The following LRRC23 variants were observed in gnomAD, a reference collection of about 807,000 sequenced individuals.
LRRC23 encodes leucine rich repeat containing 23, also known as leucine-rich repeat-containing protein 23.
LRRC23 carries 28 observed loss-of-function variants against 37.7 expected under a neutral mutation model. The ratio of observed to expected loss-of-function variants is 0.74; its 90% confidence interval spans 0.55 to 1.02. The LOEUF (loss-of-function observed/expected upper bound fraction) is 1.02. Among genes scored for constraint, LRRC23 ranks in the 50% least tolerant of loss-of-function variants. The pLI is 0.00. For synonymous variants in LRRC23, 161 were observed against 165.4 expected (o/e 0.97, Z 0.20); for missense variants, 377 against 413.2 (o/e 0.91, Z 0.76).
At chr12:6,906,255 C>T (rs1424883526) in intron 3 of LRRC23, among the ~76,000 whole-genome samples, 154 bp from the exon 4 acceptor site, 1 of 152,114 alleles carries the variant, frequency 6.6e-6, no homozygotes, top group African/African-American at 2.4e-5. Flanking sequence ...AACCCACCTA[C>T]CTTCTCTTAC....
intron 5 of LRRC23, among the ~76,000 whole-genome samples, chr12:6,909,362 TTA>T (rs1325873418): frequency 1.9e-5 from 1 of 52,412 alleles, no homozygotes; most frequent in Non-Finnish European, 3.0e-5. Flanking sequence ...TAATAGTATA[TTA>T]TATATAATAT....
intron 5 of LRRC23, among the ~76,000 whole-genome samples, chr12:6,908,395 GA>G (rs1372446807): frequency 6.6e-6 from 1 of 151,870 alleles, no homozygotes; most frequent in African/African-American, 2.4e-5. Context: ...TCCGGAGTTC[GA>G]AACCAGCCTG....
In LRRC23 at chr12:6,907,358, G is replaced by C; in HGVS notation, c.534G>C (p.Leu178Phe). 1 of 1,614,030 alleles carries C rather than the reference G, an allele frequency of 6.2e-7. No individual in the cohort carries two copies. Among genetic ancestry groups the C allele is most frequent in the Non-Finnish European group, 8.5e-7 (1 of 1,179,990 alleles). ...TGACAGGTCTGGACCCCGAGAAGTT[G>C]ATCAGCCTGCACACAGTGGAGCTTC... ...HMVTGLDPEK[L>F]ISLHTVELRG... The change falls in exon 5 of 8, where the codon TTG (leucine) becomes TTC (phenylalanine). Residue 178 changes from leucine (L) to phenylalanine (F), a missense_variant. By Grantham distance (22) the Leu-to-Phe change is conservative. Around this residue, in one of 3 missense-constraint regions of LRRC23, gnomAD observed 266 missense variants for 285.6 expected, o/e 0.93. Coordinates refer to ENST00000443597, the MANE Select transcript of LRRC23 (RefSeq NM_001135217.2).
chr12:6,912,499 A>G (rs1359481194), intron 6 of LRRC23, among the ~76,000 whole-genome samples: 1 of 152,106 alleles, frequency 6.6e-6, no homozygotes, highest in Non-Finnish European at 1.5e-5. Context: ...GAACACATGA[A>G]TGTATTACAG....
Position 6,905,884 on chromosome 12 carries a change from G to A in LRRC23, c.166G>A (p.Gly56Arg), listed in dbSNP as rs200165456. ...CCTCACGGAGGACATGATGAAGGAA[G>A]GGCTTTCTCTGCTCTGTAAGACAGG... ...TPLTEDMMKE[G>R]LSLLCKTGNG... The change falls in exon 3 of 8, where the codon GGG (glycine) becomes AGG (arginine). Residue 56 changes from glycine to arginine, a missense_variant. By Grantham distance (125) the Gly-to-Arg change is moderately radical (BLOSUM62 -2). Coordinates refer to ENST00000443597, the MANE Select transcript of LRRC23 (RefSeq NM_001135217.2). 1.2e-6 allele frequency: 2 copies of A among 1,613,956 alleles called. No individual in the cohort carries two copies. The highest frequency in any genetic ancestry group is 2.2e-5 in the East Asian group (1 of 44,866).
chr12:6,913,551 GTTTGTTTTTTTTTTTT>G (rs1490505068), intron 7 of LRRC23, among the ~76,000 whole-genome samples: 5 of 78,124 alleles, frequency 6.4e-5, no homozygotes, highest in South Asian at 5.1e-4. Flanking sequence ...ATTTACCTCT[GTTTGTTTTTTTTTTTT>G]TTTTTTTTTT....
chr12:6,912,629 G>C (rs1945189233), intron 6 of LRRC23, 101 bp from the exon 7 acceptor site: 1 of 1,070,516 alleles, frequency 9.3e-7, no homozygotes, highest in Admixed American at 1.9e-5. Flanking sequence ...AGTGTTTCTA[G>C]GGACACTGGA....
chr12:6,905,697 G>A lies in LRRC23; in HGVS notation c.64G>A (p.Asp22Asn). 2 of 1,613,454 alleles carry A rather than the reference G, an allele frequency of 1.2e-6. No homozygotes were observed. The highest frequency in any genetic ancestry group is 8.5e-7 in the Non-Finnish European group (1 of 1,179,722). Residue 22 changes from aspartate (D) to asparagine (N), a missense_variant, in exon 2 of 8, where the codon GAC (aspartate) becomes AAC (asparagine). Physicochemically the swap from Asp to Asn is conservative, Grantham distance 23. This residue lies in a region of LRRC23 where 106 missense variants were observed against 105.9 expected (regional missense o/e 1.00). Transcript: ENST00000443597. ...CCAGGATGATTCTGAGAAAGAAGAG[G>A]ACGAGAAGGAGACAGAGGAGGGGGA... The part of the protein sequence containing the change: ...PDQDDSEKEE[D>N]EKETEEGEDY...
Position 6,907,461 on chromosome 12 carries a change from A to G in LRRC23, c.621+16A>G. 1 of 1,614,022 alleles carries G rather than the reference A, an allele frequency of 6.2e-7. No individual in the cohort carries two copies. The highest frequency in any genetic ancestry group is 1.1e-5 in the South Asian group (1 of 91,078). Reference sequence around the variant, plus strand: ...CCTCTACCTGGTAGCTCACTGGGTCAGAGGGTGGTGCAGGGAAGAGGGCAC... The same window carrying G: ...CCTCTACCTGGTAGCTCACTGGGTCGGAGGGTGGTGCAGGGAAGAGGGCAC... On this transcript the variant is annotated intron_variant, in intron 5 of 7. Coordinates refer to ENST00000443597, the MANE Select transcript of LRRC23 (RefSeq NM_001135217.2).
In LRRC23 at chr12:6,905,971, C is replaced by A. The variant is rs782644204; in HGVS notation, c.236+17C>A. On this transcript the variant is annotated intron_variant, in intron 3 of 7. Coordinates refer to ENST00000443597, the MANE Select transcript of LRRC23 (RefSeq NM_001135217.2). ...TAAAGAGAGGTGCGTTTTGGGGGGACCAGATGAGGACTGTGAGACTGTAGG... is the reference window on the plus strand; with the variant it reads ...TAAAGAGAGGTGCGTTTTGGGGGGAACAGATGAGGACTGTGAGACTGTAGG... 1 of 1,600,096 alleles carries A rather than the reference C, an allele frequency of 6.2e-7. No individual in the cohort carries two copies.
Position 6,914,192 on chromosome 12 carries a change from T to TG in LRRC23, c.*330dup. On this transcript the variant is annotated 3_prime_UTR_variant, in exon 8 of 8. Coordinates refer to ENST00000443597, the MANE Select transcript of LRRC23 (RefSeq NM_001135217.2). The surrounding 1 kb of genome is among the most constrained non-coding windows in gnomAD (Gnocchi z 7.1). ...GGTTGGAGAGACTTGCGAAGGCGGC[T>TG]GGGGTGTTCGGATTTCCAATAAAGA... The TG allele has an allele frequency of 1.1e-6, 1 of 885,286 alleles. No individual in the cohort carries two copies. Among genetic ancestry groups the TG allele is most frequent in the East Asian group, 2.7e-5 (1 of 37,530 alleles). The allele number at this position is 885,286 out of a possible 1,614,324, so 54.8% of individuals were successfully genotyped here. A position where few individuals can be genotyped will look rare whatever the true frequency, so the allele number is the denominator to read the frequency against.
chr12:6,908,823 C>CTAA (rs1565553133), intron 5 of LRRC23, among the ~76,000 whole-genome samples: 6 of 119,082 alleles, frequency 5.0e-5, no homozygotes, highest in Admixed American at 2.0e-4. Flanking sequence ...GACTCTGTTT[C>CTAA]AAAAAAAAAA....
In LRRC23 at chr12:6,913,930, CA is replaced by C. The variant is rs782117409; in HGVS notation, c.*65del. On this transcript the variant is annotated 3_prime_UTR_variant, in exon 8 of 8. Transcript: ENST00000443597. ...TGGCCTTCAGACCTGATCAGACTCCCAGGGGCAGCCACCACATGTATGACAG... is the reference window on the plus strand; with the variant it reads ...TGGCCTTCAGACCTGATCAGACTCCCGGGGCAGCCACCACATGTATGACAG... 6.2e-7 allele frequency: 1 copy of C among 1,610,750 alleles called. No homozygotes were observed. Among genetic ancestry groups the C allele is most frequent in the Non-Finnish European group, 8.5e-7 (1 of 1,178,496 alleles).
At chr12:6,906,056 T>C in intron 3 of LRRC23, 102 bp downstream of exon 3, 1 of 1,023,918 alleles carries the variant, frequency 9.8e-7, no homozygotes, top group Non-Finnish European at 1.5e-6. Context: ...TTGACTCTTC[T>C]CATGCCTAGT....
chr12:6,909,404 A>T (rs782783831), intron 5 of LRRC23, among the ~76,000 whole-genome samples: 731 of 65,478 alleles, frequency 0.011, 27 homozygotes, highest in Non-Finnish European at 0.014. Flanking sequence ...TATTATATAT[A>T]ATAGTATATT....
At chr12:6,910,093 T>G in intron 6 of LRRC23, 67 bp downstream of exon 6, 1 of 1,484,314 alleles carries the variant, frequency 6.7e-7, no homozygotes, top group Non-Finnish European at 9.1e-7. Flanking sequence ...GAGTCTGTGT[T>G]CTTCCCTGGC....
intron 4 of LRRC23, among the ~76,000 whole-genome samples, chr12:6,906,908 C>G (rs1219858025): frequency 6.6e-6 from 1 of 152,110 alleles, no homozygotes; most frequent in Non-Finnish European, 1.5e-5. Context: ...ACAACAAACA[C>G]AGTAAGTACA....
At position 6,909,495 on chromosome 12, in the gene LRRC23, T is replaced by A. The variant is rs781849666; in HGVS notation, c.622-395T>A. ...ATATTTTATATATTATATAATATAT[T>A]ATATATTATATATATAATAACTCCA... On this transcript the variant is annotated intron_variant, in intron 5 of 7. Transcript: ENST00000443597. 4.9e-4 allele frequency among the ~76,000 whole-genome samples: 51 copies of A among 103,162 alleles called. 11 individuals carry two copies. The highest frequency in any genetic ancestry group is 1.9e-3 in the African/African-American group (49 of 25,306). 67.7% of individuals were successfully genotyped at this position (103,162 alleles called of 152,430 possible).
chr12:6,907,553 A>ATAC, intron 5 of LRRC23, 108 bp downstream of exon 5: 5 of 1,166,502 alleles, frequency 4.3e-6, no homozygotes, highest in Non-Finnish European at 6.4e-6. Flanking sequence ...TATGATAATA[A>ATAC]CTGGTATTAT....
Sources: gnomAD v4.1 joint callset for allele counts (sites outside exome capture counted in the v4.1 genomes callset) on GRCh38, gnomAD v4.1.1 for gene constraint, gnomAD v4.1.1 regional missense constraint, Gnocchi (gnomAD v3.1) non-coding constraint, MANE v1.5 for transcripts, NCBI Gene and HGNC (gene_info 2026-07-23, HGNC 2026-07-21) for gene names.